The following CAST variants were observed in gnomAD, a reference collection of about 807,000 sequenced individuals.
The protein encoded by CAST is calpastatin.
In CAST, 76 loss-of-function variants were observed where a neutral mutation model predicts 119.6. The ratio of observed to expected loss-of-function variants is 0.64; its 90% CI spans 0.53 to 0.77. The LOEUF (loss-of-function observed/expected upper bound fraction) is 0.77. Among genes scored for constraint, CAST ranks in the 30% least tolerant of loss-of-function variants. The probability of loss-of-function intolerance (pLI) is 0.00; values close to 1 mark genes in which losing one functional copy is unlikely to be tolerated. For missense variants in CAST, 953 were observed against 946.5 expected, an observed-to-expected ratio of 1.01 and a Z score of -0.09; for synonymous variants, 319 against 331.6, an observed-to-expected ratio of 0.96 and a Z score of 0.41.
At chr5:96,167,976 C>T in the CAST span, among the ~76,000 whole-genome samples, 648 of 152,094 alleles carry the variant, frequency 4.3e-3, 8 homozygotes, top group African/African-American at 0.015. Context: ...AGATTTCCAC[C>T]ATGGGAAGGA....
chr5:96,147,622 A>ACAAAT, the CAST span, among the ~76,000 whole-genome samples: 1 of 152,116 alleles, frequency 6.6e-6, no homozygotes, highest in South Asian at 2.1e-4. Flanking sequence ...ACAAAACAAA[A>ACAAAT]CAAAACAAAA....
At chr5:96,382,440 A>G in the CAST span, among the ~76,000 whole-genome samples, 1 of 152,298 alleles carries the variant, frequency 6.6e-6, no homozygotes, top group East Asian at 1.9e-4. Flanking sequence ...CCCCCAGTGG[A>G]TCCTCCCTGG....
At chr5:96,320,228 CTTTTTTTTTTTTTT>C in the CAST span, among the ~76,000 whole-genome samples, 33 of 97,352 alleles carry the variant, frequency 3.4e-4, no homozygotes, top group Admixed American at 6.7e-4. Context: ...AAGGCTTTTG[CTTTTTTTTTTTTTT>C]TTTTTTTTTT....
the CAST span, among the ~76,000 whole-genome samples, chr5:95,977,768 C>T: frequency 2.0e-5 from 3 of 151,900 alleles, no homozygotes; most frequent in Non-Finnish European, 4.4e-5. Flanking sequence ...GCCTAGTTCT[C>T]ATTATCTGTT....
chr5:96,767,446 A>C lies in CAST; in HGVS notation c.2139A>C (p.Pro713=). The C allele has an allele frequency of 1.9e-6, 3 of 1,612,454 alleles. No individual in the cohort carries two copies. Among genetic ancestry groups the C allele is most frequent in the Non-Finnish European group, 2.5e-6 (3 of 1,178,678 alleles). The change falls in exon 28 of 32, where the codon CCA becomes CCC. Residue 713 remains proline (P), a synonymous_variant. Coordinates refer to ENST00000675179, the MANE Select transcript of CAST (RefSeq NM_001750.7). ...HLLDDNGQDK[P]VKPPTKKSED... ...TCTGCCTTCTTTTTAAGGACAAACCAGTGAAGCCACCTACAAAGAAATCAG... is the reference window on the plus strand; with the variant it reads ...TCTGCCTTCTTTTTAAGGACAAACCCGTGAAGCCACCTACAAAGAAATCAG...
chr5:96,234,989 G>A, the CAST span, among the ~76,000 whole-genome samples: 1 of 152,168 alleles, frequency 6.6e-6, no homozygotes, highest in Non-Finnish European at 1.5e-5. Flanking sequence ...TTCAAAAATG[G>A]GAACTTCGTT....
intron 1 of CAST, among the ~76,000 whole-genome samples, chr5:96,538,815 T>A (rs1274987412): frequency 6.6e-6 from 1 of 151,832 alleles, no homozygotes; most frequent in African/African-American, 2.4e-5. Context: ...GACATAGAAA[T>A]ATCAAGTTAC....
At chr5:96,049,839 A>G in the CAST span, among the ~76,000 whole-genome samples, 1 of 137,316 alleles carries the variant, frequency 7.3e-6, no homozygotes. Context: ...AACAGAACTG[A>G]GATTAGAAGC....
the CAST span, among the ~76,000 whole-genome samples, chr5:96,334,915 C>T: frequency 3.9e-5 from 6 of 152,260 alleles, no homozygotes; most frequent in African/African-American, 7.2e-5. Context: ...TGAGCATGAG[C>T]GCCTTCCATT....
the CAST span, among the ~76,000 whole-genome samples, chr5:96,008,142 T>C: frequency 2.0e-5 from 3 of 152,336 alleles, no homozygotes; most frequent in African/African-American, 7.2e-5. Flanking sequence ...TCACCCAGTC[T>C]ATGGTATTTT....
chr5:96,439,453 T>G, the CAST span, among the ~76,000 whole-genome samples: 1 of 152,168 alleles, frequency 6.6e-6, no homozygotes, highest in South Asian at 2.1e-4. Context: ...TCCCCATGAC[T>G]GAGGAATTGG....
At chr5:96,173,097 G>T in the CAST span, among the ~76,000 whole-genome samples, 8 of 152,256 alleles carry the variant, frequency 5.3e-5, no homozygotes, top group Admixed American at 1.3e-4. Flanking sequence ...CATAGATACC[G>T]ACTGGCTGGG....
chr5:96,559,130 A>C (rs1746304116), intron 1 of CAST, among the ~76,000 whole-genome samples: 2 of 152,148 alleles, frequency 1.3e-5, no homozygotes, highest in South Asian at 2.1e-4. Flanking sequence ...CAATAGATGC[A>C]GAAAACGCCT....
the CAST span, among the ~76,000 whole-genome samples, chr5:96,471,187 C>G: frequency 6.6e-6 from 1 of 151,922 alleles, no homozygotes; most frequent in Non-Finnish European, 1.5e-5. Flanking sequence ...TCAATAGCTC[C>G]CAGACTCATA....
chr5:96,137,321 A>AT, the CAST span, among the ~76,000 whole-genome samples: 3 of 152,142 alleles, frequency 2.0e-5, no homozygotes, highest in Non-Finnish European at 4.4e-5. Flanking sequence ...AGATTAATAC[A>AT]TGTCTTTTCA....
the CAST span, among the ~76,000 whole-genome samples, chr5:96,027,840 T>C: frequency 2.0e-5 from 3 of 152,138 alleles, no homozygotes; most frequent in South Asian, 6.2e-4. Context: ...CTCAAATTTA[T>C]ATCAACTTCA....
intron 25 of CAST, among the ~76,000 whole-genome samples, chr5:96,764,261 A>G (rs921487112): frequency 2.6e-5 from 4 of 152,172 alleles, no homozygotes; most frequent in Non-Finnish European, 4.4e-5. Flanking sequence ...TGCCTTTTCA[A>G]TCATTTACTT....
the CAST span, among the ~76,000 whole-genome samples, chr5:96,442,602 T>A: frequency 6.6e-6 from 1 of 152,254 alleles, no homozygotes; most frequent in Non-Finnish European, 1.5e-5. Flanking sequence ...TCAGATGGTT[T>A]ACTATGCATA....
chr5:96,492,784 A>G, the CAST span, among the ~76,000 whole-genome samples: 17 of 152,254 alleles, frequency 1.1e-4, no homozygotes, highest in Middle Eastern at 3.2e-3. Context: ...AGCTGAGAAG[A>G]GGAGACATCT....
Sources: gnomAD v4.1 joint callset for allele counts (sites outside exome capture counted in the v4.1 genomes callset) on GRCh38, gnomAD v4.1.1 for gene constraint, MANE v1.5 for transcripts, NCBI Gene and HGNC (gene_info 2026-07-23, HGNC 2026-07-21) for gene names.